PARD3B: variants seen among roughly 807,000 people sequenced by gnomAD.
The protein encoded by PARD3B is par-3 family cell polarity regulator beta, also known as partitioning defective 3 homolog B.
A neutral mutation model predicts 130.2 loss-of-function variants in PARD3B; 103 were observed. The observed-to-expected ratio is 0.79, with a 90% CI of 0.67 to 0.93. The LOEUF is 0.93. PARD3B is among the 40% of genes least tolerant of loss of function. PARD3B has a pLI of 0.00. For missense variants in PARD3B, 1,609 were observed against 1,499.2 expected, an observed-to-expected ratio of 1.07 and a Z score of -1.21; for synonymous variants, 583 against 553.2, an observed-to-expected ratio of 1.05 and a Z score of -0.76.
intron 1 of PARD3B, among the ~76,000 whole-genome samples, chr2:204,582,422 T>G (rs1406917331): frequency 2.0e-5 from 3 of 152,220 alleles, no homozygotes; most frequent in Admixed American, 1.3e-4. Context: ...AGTTTAGTTC[T>G]TTGATTTCTT....
intron 22 of PARD3B, among the ~76,000 whole-genome samples, chr2:205,604,333 G>A (rs2054904065): frequency 6.6e-6 from 1 of 152,162 alleles, no homozygotes; most frequent in African/African-American, 2.4e-5. Flanking sequence ...GCAAGGAGGA[G>A]CAAGTCATGT....
intron 22 of PARD3B, among the ~76,000 whole-genome samples, chr2:205,580,751 T>C (rs1012196029): frequency 1.3e-5 from 2 of 152,180 alleles, no homozygotes; most frequent in Non-Finnish European, 2.9e-5. Flanking sequence ...CTTCCTCTGT[T>C]TCAACCATTC....
chr2:205,075,582 G>A (rs1700993266), intron 4 of PARD3B, among the ~76,000 whole-genome samples: 1 of 150,140 alleles, frequency 6.7e-6, no homozygotes, highest in South Asian at 2.1e-4. Context: ...TCTTTTTTAG[G>A]TTGCAAAATT....
intron 11 of PARD3B, among the ~76,000 whole-genome samples, chr2:205,168,320 A>AGTGTGTGTGTGTGTGTGT (rs1553630288): frequency 8.4e-6 from 1 of 119,694 alleles, no homozygotes; most frequent in African/African-American, 3.4e-5. Context: ...AGAGAGAGAG[A>AGTGTGTGTGTGTGTGTGT]GTGTGTGTGT....
At chr2:204,550,652 G>A (rs2030388446) in intron 1 of PARD3B, among the ~76,000 whole-genome samples, 2 of 152,136 alleles carry the variant, frequency 1.3e-5, no homozygotes, top group Admixed American at 1.3e-4. Flanking sequence ...ATATTTGATA[G>A]GGTTTTCAAG....
intron 2 of PARD3B, among the ~76,000 whole-genome samples, chr2:204,940,354 T>G (rs545518422): frequency 6.6e-6 from 1 of 152,282 alleles, no homozygotes; most frequent in South Asian, 2.1e-4. Context: ...GTTAAAGGGA[T>G]AAATCAGAAA....
intron 2 of PARD3B, among the ~76,000 whole-genome samples, chr2:204,951,967 G>A (rs1433393274): frequency 6.6e-6 from 1 of 152,174 alleles, no homozygotes; most frequent in Non-Finnish European, 1.5e-5. Context: ...ATAGTTTACA[G>A]GAATGCAACA....
intron 5 of PARD3B, among the ~76,000 whole-genome samples, chr2:205,109,119 A>G (rs1004145436): frequency 7.2e-5 from 11 of 152,204 alleles, no homozygotes; most frequent in Admixed American, 5.9e-4. Flanking sequence ...CTCAATTAAT[A>G]TTTGTTGAAT....
At chr2:204,802,052 AG>A (rs1348038550) in intron 2 of PARD3B, among the ~76,000 whole-genome samples, 1 of 152,202 alleles carries the variant, frequency 6.6e-6, no homozygotes, top group Non-Finnish European at 1.5e-5. Context: ...CCAGGGATGA[AG>A]CCAACTTGAT....
intron 1 of PARD3B, among the ~76,000 whole-genome samples, chr2:204,641,428 T>G (rs764515128): frequency 6.6e-6 from 1 of 151,060 alleles, no homozygotes; most frequent in Admixed American, 6.6e-5. Flanking sequence ...AATGTACTTA[T>G]GTTGAAAAGT....
intron 18 of PARD3B, among the ~76,000 whole-genome samples, chr2:205,310,624 A>G (rs191422179): frequency 1.3e-5 from 2 of 151,536 alleles, no homozygotes; most frequent in East Asian, 3.9e-4. Flanking sequence ...TTTCACTTAC[A>G]TAATGTCCCC....
chr2:205,122,789 G>A lies in PARD3B; in HGVS notation c.1165+840G>A, dbSNP rs947317722. Among the ~76,000 whole-genome samples, 1 of 152,138 alleles carries A rather than the reference G, an allele frequency of 6.6e-6. No homozygotes were observed. The highest frequency in any genetic ancestry group is 2.4e-5 in the African/African-American group (1 of 41,434). On this transcript the variant is annotated intron_variant, in intron 8 of 22. Coordinates refer to ENST00000406610, the MANE Select transcript of PARD3B (RefSeq NM_001302769.2). The surrounding 1 kb of genome is among the most constrained non-coding windows in gnomAD (Gnocchi z 4.3). ...AAACAAATAATGTATCATCATTTAG[G>A]ATATGAAAATTATTCTGGAAAGATT...
At chr2:204,864,130 C>T (rs115443369) in intron 2 of PARD3B, among the ~76,000 whole-genome samples, 1,889 of 152,170 alleles carry the variant, frequency 0.012, 34 homozygotes, top group African/African-American at 0.043. Flanking sequence ...TTTTCTGTGT[C>T]TTAAAGTCAC....
chr2:204,692,794 T>C (rs1342235101), intron 2 of PARD3B, among the ~76,000 whole-genome samples: 4 of 152,010 alleles, frequency 2.6e-5, no homozygotes, highest in African/African-American at 9.7e-5. Flanking sequence ...GCTCAGAATT[T>C]TCAAGATTAC....
rs369314488 is a variant in PARD3B at position 205,121,792 on chromosome 2, C to T, written c.1008C>T (p.Thr336=). ...SGLKTANLTG[T]DSPETDASAS... ...TAAAGACAGCAAATCTCACAGGAAC[C>T]GATAGTCCTGAAACAGATGCATCAG... is the stretch of plus-strand genomic sequence containing the variant. The change falls in exon 8 of 23, where the codon ACC becomes ACT. Residue 336 remains threonine, a synonymous_variant. Coordinates refer to ENST00000406610, the MANE Select transcript of PARD3B (RefSeq NM_001302769.2). This position sits in a 1 kb window ranked among gnomAD's most constrained non-coding sequence, Gnocchi z 5.0. 1 of 1,614,058 alleles carries T rather than the reference C, an allele frequency of 6.2e-7. No individual in the cohort carries two copies. The highest frequency in any genetic ancestry group is 8.5e-7 in the Non-Finnish European group (1 of 1,180,026).
intron 2 of PARD3B, among the ~76,000 whole-genome samples, chr2:204,833,435 C>T (rs1040703449): frequency 4.6e-5 from 7 of 152,134 alleles, no homozygotes; most frequent in Admixed American, 3.3e-4. Context: ...ACCCAGACAT[C>T]TCTTGACTTA....
chr2:204,747,960 T>G (rs945950918), intron 2 of PARD3B, among the ~76,000 whole-genome samples: 1 of 152,030 alleles, frequency 6.6e-6, no homozygotes, highest in Non-Finnish European at 1.5e-5. Flanking sequence ...TACATGATAC[T>G]CAGAGTTGAG....
At chr2:205,324,497 A>G (rs990778560) in intron 18 of PARD3B, among the ~76,000 whole-genome samples, 1 of 152,172 alleles carries the variant, frequency 6.6e-6, no homozygotes, top group African/African-American at 2.4e-5. Flanking sequence ...TTGAAAGGGC[A>G]GGCCATTAGA....
chr2:204,693,593 A>C (rs1481770281), intron 2 of PARD3B, among the ~76,000 whole-genome samples: 1 of 152,062 alleles, frequency 6.6e-6, no homozygotes, highest in Non-Finnish European at 1.5e-5. Flanking sequence ...AATAATGTAA[A>C]TTACATTATT....
Sources: gnomAD v4.1 joint callset for allele counts (sites outside exome capture counted in the v4.1 genomes callset) on GRCh38, gnomAD v4.1.1 for gene constraint, Gnocchi (gnomAD v3.1) non-coding constraint, MANE v1.5 for transcripts, NCBI Gene and HGNC (gene_info 2026-07-23, HGNC 2026-07-21) for gene names.